Variants in TMX2 observed in about 807,000 individuals in gnomAD.
TMX2 encodes thioredoxin related transmembrane protein 2.
A neutral mutation model predicts 33.4 loss-of-function variants in TMX2; 20 were observed. That is an observed-to-expected ratio of 0.60 (90% CI 0.42 to 0.87). The LOEUF (loss-of-function observed/expected upper bound fraction) is 0.87, where lower values mean the gene tolerates loss of function less well. Among genes scored for constraint, TMX2 ranks in the 40% least tolerant of loss-of-function variants. The probability of loss-of-function intolerance (pLI) is 0.00; values close to 1 mark genes in which losing one functional copy is unlikely to be tolerated. For missense variants in TMX2, 340 were observed against 370.7 expected, an observed-to-expected ratio of 0.92 and a Z score of 0.68; for synonymous variants, 166 against 140.7, an observed-to-expected ratio of 1.18 and a Z score of -1.27.
At chr11:57,718,578 C>A in intron 1 of TMX2, 1 of 596,994 alleles carries the variant, frequency 1.7e-6, no homozygotes. Context: ...CCTCTTTGCC[C>A]AACTTTTTAT....
chr11:57,734,874 G>A (rs888970719), intron 1 of TMX2, among the ~76,000 whole-genome samples: 1 of 151,958 alleles, frequency 6.6e-6, no homozygotes, highest in South Asian at 2.1e-4. Context: ...GGTGGCTCAT[G>A]CCTGTAATCC....
chr11:57,734,759 T>A (rs1948635861), intron 1 of TMX2, among the ~76,000 whole-genome samples: 2 of 150,456 alleles, frequency 1.3e-5, no homozygotes, highest in South Asian at 2.1e-4. Context: ...TCAAAAAAAA[T>A]AAAAAATAAA....
intron 1 of TMX2, among the ~76,000 whole-genome samples, chr11:57,726,101 C>T (rs991155084): frequency 4.6e-5 from 7 of 152,064 alleles, no homozygotes; most frequent in African/African-American, 9.7e-5. Flanking sequence ...CTTACAGTAG[C>T]TCCACATAAA....
At chr11:57,715,435 A>G (rs1260905204) in intron 1 of TMX2, among the ~76,000 whole-genome samples, 1 of 149,646 alleles carries the variant, frequency 6.7e-6, no homozygotes, top group East Asian at 1.9e-4. Context: ...AAAAAAATAT[A>G]TTTTATATAT....
intron 1 of TMX2, among the ~76,000 whole-genome samples, chr11:57,715,842 T>G (rs1946957042): frequency 6.6e-6 from 1 of 151,386 alleles, no homozygotes; most frequent in South Asian, 2.1e-4. Context: ...GCACCGCCCT[T>G]AATCCATTTA....
At chr11:57,726,068 A>G (rs962445061) in intron 1 of TMX2, among the ~76,000 whole-genome samples, 3 of 152,130 alleles carry the variant, frequency 2.0e-5, no homozygotes, top group Non-Finnish European at 2.9e-5. Flanking sequence ...GCTAATTGCT[A>G]TAAGTCTGTA....
rs1224964494 is a variant in TMX2 at position 57,737,588 on chromosome 11, A to C, written c.190-20A>C. The C allele has an allele frequency of 6.2e-7, 1 of 1,611,020 alleles. No individual in the cohort carries two copies. Among genetic ancestry groups the C allele is most frequent in the South Asian group, 1.1e-5 (1 of 90,996 alleles). On this transcript the variant is annotated intron_variant, in intron 1 of 7. Transcript: ENST00000278422. ...CTCTAGTCACTGCATTCCTGTTATA[A>C]TACTTCGATTCTGTTCCAGAGAGAA...
chr11:57,716,576 C>T (rs1590903258), intron 1 of TMX2, among the ~76,000 whole-genome samples: 3 of 132,216 alleles, frequency 2.3e-5, no homozygotes, highest in Non-Finnish European at 3.3e-5. Context: ...GGGCTGACCC[C>T]ACCTCCCTCC....
At chr11:57,717,548 C>T (rs913332050) in intron 1 of TMX2, among the ~76,000 whole-genome samples, 3 of 151,494 alleles carry the variant, frequency 2.0e-5, no homozygotes, top group East Asian at 1.9e-4. Flanking sequence ...CAAAAAAGTA[C>T]GAAAACCAGT....
chr11:57,712,644 C>T lies in TMX2; in HGVS notation c.26C>T (p.Ala9Val). 1 of 1,614,076 alleles carries T rather than the reference C, an allele frequency of 6.2e-7. No homozygotes were observed. Among genetic ancestry groups the T allele is most frequent in the South Asian group, 1.1e-5 (1 of 91,066 alleles). The change falls in exon 1 of 8, where the codon GCT (alanine) becomes GTT (valine). Residue 9 changes from alanine (A) to valine (V), a missense_variant. Physicochemically the swap from Ala to Val is moderately conservative, Grantham distance 64. Coordinates refer to ENST00000278422, the MANE Select transcript of TMX2 (RefSeq NM_015959.4). ...ATGGCGGTCTTGGCACCTCTAATTG[C>T]TCTCGTGTATTCGGTGCCGCGACTT... MAVLAPLI[A>V]LVYSVPRLSR...
At chr11:57,713,558 A>G (rs1458443485) in intron 1 of TMX2, among the ~76,000 whole-genome samples, 1 of 152,182 alleles carries the variant, frequency 6.6e-6, no homozygotes, top group African/African-American at 2.4e-5. Context: ...TCTGCCATAT[A>G]GCATGTAGGG....
intron 1 of TMX2, among the ~76,000 whole-genome samples, chr11:57,716,573 C>A (rs1161459315): frequency 5.2e-5 from 5 of 97,064 alleles, no homozygotes; most frequent in East Asian, 4.4e-4. Context: ...GGGGGGCTGA[C>A]CCCACCTCCC....
At chr11:57,734,183 A>G (rs1314122701) in intron 1 of TMX2, among the ~76,000 whole-genome samples, 2 of 149,224 alleles carry the variant, frequency 1.3e-5, no homozygotes, top group African/African-American at 5.1e-5. Flanking sequence ...AAAAAAAAAA[A>G]AAAAGGACTG....
chr11:57,717,327 G>A (rs1161006116), intron 1 of TMX2, among the ~76,000 whole-genome samples: 9 of 152,134 alleles, frequency 5.9e-5, no homozygotes, highest in Non-Finnish European at 1.0e-4. Flanking sequence ...CTGCAATCTC[G>A]GCACTTTGGG....
intron 1 of TMX2, among the ~76,000 whole-genome samples, chr11:57,722,057 A>G (rs1947668453): frequency 6.6e-6 from 1 of 152,156 alleles, no homozygotes; most frequent in South Asian, 2.1e-4. Context: ...GTGCAGTGGC[A>G]TGGTCGCAGT....
chr11:57,738,927 T>C (rs1443697945), intron 5 of TMX2, 47 bp from the exon 6 acceptor site: 2 of 1,588,962 alleles, frequency 1.3e-6, no homozygotes, highest in Non-Finnish European at 1.7e-6. Flanking sequence ...CCACTTTCCT[T>C]GATCCATTAT....
rs1948855966 is a variant in TMX2, at chr11:57,738,002, C to A, written c.340C>A (p.Leu114Ile). The stretch of plus-strand genomic sequence containing the variant: ...CTTCCGCTTGGATATTCGCATGGGC[C>A]TACTTTACATCACACTCTGCATAGG... ...LFFRLDIRMG[L>I]LYITLCIVFL... Residue 114 changes from leucine to isoleucine, a missense_variant, in exon 3 of 8, where the codon CTA (leucine) becomes ATA (isoleucine). Leu to Ile is a conservative substitution (Grantham distance 5). Coordinates refer to ENST00000278422, the MANE Select transcript of TMX2 (RefSeq NM_015959.4). The A allele has an allele frequency of 1.2e-6, 2 of 1,613,404 alleles. No individual in the cohort carries two copies. Among genetic ancestry groups the A allele is most frequent in the South Asian group, 2.2e-5 (2 of 91,040 alleles).
intron 7 of TMX2, among the ~76,000 whole-genome samples, 168 bp downstream of exon 7, chr11:57,739,428 C>T (rs1399082309): frequency 6.6e-6 from 1 of 152,176 alleles, no homozygotes; most frequent in Non-Finnish European, 1.5e-5. Flanking sequence ...ATATTATGTG[C>T]AGACCTGCTA....
intron 1 of TMX2, chr11:57,718,040 C>T (rs893395768): frequency 3.6e-5 from 40 of 1,101,008 alleles, no homozygotes; most frequent in Non-Finnish European, 5.5e-6. Flanking sequence ...GTCAAACTTA[C>T]TAGACTTATC....
Sources: allele counts gnomAD v4.1 joint callset (sites outside exome capture counted in the v4.1 genomes callset), GRCh38; gene constraint gnomAD v4.1.1; transcripts MANE v1.5; gene names NCBI Gene and HGNC (gene_info 2026-07-23, HGNC 2026-07-21).